The following GPBP1 variants were observed in gnomAD, a reference collection of about 807,000 sequenced individuals.
GPBP1 encodes the protein GC-rich promoter binding protein 1.
A neutral mutation model predicts 56.5 loss-of-function variants in GPBP1; 13 were observed. That is an observed-to-expected ratio of 0.23 (90% CI 0.15 to 0.37). GPBP1 has a LOEUF of 0.37. Ranked by LOEUF, GPBP1 falls within the 10% of genes least tolerant of loss-of-function variation. GPBP1 has a pLI of 1.00. For synonymous variants in GPBP1, 204 were observed against 188.9 expected (o/e 1.08, Z -0.66); for missense variants, 477 against 572.3 (o/e 0.83, Z 1.70).
At chr5:57,229,158 G>T (rs1756325201) in intron 3 of GPBP1, among the ~76,000 whole-genome samples, 1 of 145,856 alleles carries the variant, frequency 6.9e-6, no homozygotes, top group South Asian at 2.2e-4. Flanking sequence ...TGGAACCCAG[G>T]AGGTGAAGGT....
intron 2 of GPBP1, among the ~76,000 whole-genome samples, chr5:57,202,345 A>G (rs1380657445): frequency 6.6e-6 from 1 of 151,962 alleles, no homozygotes. Context: ...TGGAGTGCAA[A>G]TGGCCTGATC....
intron 2 of GPBP1, among the ~76,000 whole-genome samples, chr5:57,199,520 A>ATTTCT (rs1163376917): frequency 1.3e-5 from 2 of 151,744 alleles, no homozygotes; most frequent in African/African-American, 2.4e-5. Context: ...TTGCTACCAG[A>ATTTCT]TTTCTTTTCT....
intron 2 of GPBP1, among the ~76,000 whole-genome samples, chr5:57,212,615 T>C (rs536744374): frequency 6.6e-6 from 1 of 152,222 alleles, no homozygotes; most frequent in East Asian, 1.9e-4. Context: ...TTTTAACTAG[T>C]TGTATTTGTT....
At chr5:57,242,912 G>T (rs942311266) in intron 6 of GPBP1, among the ~76,000 whole-genome samples, 41 of 151,878 alleles carry the variant, frequency 2.7e-4, no homozygotes, top group East Asian at 3.9e-4. Flanking sequence ...ACCACACCTG[G>T]CTAACTTTTT....
chr5:57,209,674 AGTTT>A lies in GPBP1; in HGVS notation c.-57-4396_-57-4393del, dbSNP rs1237416825. Among the ~76,000 whole-genome samples the A allele has an allele frequency of 2.0e-5, 3 of 151,920 alleles. No individual in the cohort carries two copies. The East Asian group carries it at 5.8e-4, about 29-fold the overall frequency. ...TTGAGCAAGTTTCCTTCTTGTTTCT[AGTTT>A]GTTGAGTATTTTTATAATTAAAGGG... On this transcript the variant is annotated intron_variant, in intron 2 of 11. Coordinates refer to ENST00000506184, the MANE Select transcript of GPBP1 (RefSeq NM_022913.4).
intron 6 of GPBP1, among the ~76,000 whole-genome samples, chr5:57,244,727 ATTTTTTT>A (rs532660984): frequency 6.4e-5 from 6 of 93,154 alleles, no homozygotes; most frequent in African/African-American, 8.8e-5. Context: ...TTTGTTTGAG[ATTTTTTT>A]TTTTTTTTTT....
In GPBP1 at chr5:57,176,262, C is replaced by CT. The variant is rs1333136858; in HGVS notation, c.-195dup. ...TATGGGTAGCTGACTTGAAGTAACTCTATGTCAAATAGTCGTAGGTTAAGT... is the reference window on the plus strand; with the variant it reads ...TATGGGTAGCTGACTTGAAGTAACTCTTATGTCAAATAGTCGTAGGTTAAGT... On this transcript the variant is annotated 5_prime_UTR_variant, in exon 2 of 12. Coordinates refer to ENST00000506184, the MANE Select transcript of GPBP1 (RefSeq NM_022913.4). 2 of 365,848 alleles carry CT rather than the reference C, an allele frequency of 5.5e-6. No individual in the cohort carries two copies. Among genetic ancestry groups the CT allele is most frequent in the Non-Finnish European group, 9.7e-6 (2 of 206,678 alleles). The allele number at this position is 365,848 out of a possible 1,614,324, so 22.7% of individuals were successfully genotyped here.
chr5:57,264,105 CTG>C lies in GPBP1; in HGVS notation c.*1355_*1356del, dbSNP rs557887479. 125 of 152,092 alleles carry C rather than the reference CTG, an allele frequency of 8.2e-4. 2 individuals are homozygous for C. The highest frequency in any genetic ancestry group is 2.8e-3 in the African/African-American group (118 of 41,504). The allele number at this position is 152,092 out of a possible 1,614,324, so 9.4% of individuals were successfully genotyped here. ...TGGACTCCCCAGTTTTCACCAGAAA[CTG>C]TTATTTTTTTTTGTTGTTGTTCCCA... is the stretch of plus-strand genomic sequence containing the variant. On this transcript the variant is annotated 3_prime_UTR_variant, in exon 12 of 12. Coordinates refer to ENST00000506184, the MANE Select transcript of GPBP1 (RefSeq NM_022913.4).
chr5:57,216,946 T>C (rs1418632172), intron 3 of GPBP1, among the ~76,000 whole-genome samples: 2 of 152,126 alleles, frequency 1.3e-5, no homozygotes, highest in Non-Finnish European at 2.9e-5. Flanking sequence ...AATATCGTTA[T>C]ATATTAGGAC....
chr5:57,174,099 T>G lies in GPBP1; in HGVS notation c.-1123T>G, dbSNP rs1482357957. 6.6e-6 allele frequency: 1 copy of G among 152,246 alleles called. No individual in the cohort carries two copies. Among genetic ancestry groups the G allele is most frequent in the East Asian group, 1.9e-4 (1 of 5,138 alleles). 9.4% of individuals were successfully genotyped at this position (152,246 alleles called of 1,614,324 possible). ...GGCGCCATTTTGGGACTGAGACTGGTTGTGGGGGAGGGAAAAGCGGCAAAA... is the reference window on the plus strand; with the variant it reads ...GGCGCCATTTTGGGACTGAGACTGGGTGTGGGGGAGGGAAAAGCGGCAAAA... On this transcript the variant is annotated 5_prime_UTR_variant, in exon 1 of 12. Coordinates refer to ENST00000506184, the MANE Select transcript of GPBP1 (RefSeq NM_022913.4).
At chr5:57,248,670 G>A (rs779542450) in intron 8 of GPBP1, among the ~76,000 whole-genome samples, 56 of 152,008 alleles carry the variant, frequency 3.7e-4, no homozygotes, top group Non-Finnish European at 7.6e-4. Context: ...TCCTGACCTC[G>A]TGATCCGCCC....
chr5:57,179,575 TTTACC>T (rs983207106), intron 2 of GPBP1, among the ~76,000 whole-genome samples: 1 of 152,232 alleles, frequency 6.6e-6, no homozygotes, highest in African/African-American at 2.4e-5. Flanking sequence ...ATAGCTTTGT[TTTACC>T]TTGTCTTTTT....
At chr5:57,216,048 A>G (rs1755687655) in intron 3 of GPBP1, among the ~76,000 whole-genome samples, 1 of 152,184 alleles carries the variant, frequency 6.6e-6, no homozygotes, top group Non-Finnish European at 1.5e-5. Flanking sequence ...TTCCAGTGTG[A>G]AACTACTGCC....
At chr5:57,214,754 C>A (rs1755634068) in intron 3 of GPBP1, among the ~76,000 whole-genome samples, 1 of 152,050 alleles carries the variant, frequency 6.6e-6, no homozygotes, top group African/African-American at 2.4e-5. Context: ...CTCCTGGGTT[C>A]AAGCGATTCT....
chr5:57,221,017 A>G (rs1386177707), intron 3 of GPBP1, among the ~76,000 whole-genome samples: 1 of 152,228 alleles, frequency 6.6e-6, no homozygotes, highest in Non-Finnish European at 1.5e-5. Flanking sequence ...TTCTCTACTT[A>G]AACGGCAGTA....
chr5:57,239,416 CAGTT>C (rs1171601387), intron 6 of GPBP1, among the ~76,000 whole-genome samples: 14 of 152,192 alleles, frequency 9.2e-5, no homozygotes, highest in African/African-American at 2.7e-4. Context: ...TAAATTATAA[CAGTT>C]AGTGAAACTC....
At chr5:57,237,589 T>C (rs1740597574) in intron 6 of GPBP1, 1 of 167,318 alleles carries the variant, frequency 6.0e-6, no homozygotes, top group Non-Finnish European at 1.3e-5. Context: ...AAGAAAATGG[T>C]TAATTGTGGA....
rs891693710 is a variant in GPBP1 at position 57,254,660 on chromosome 5, A to G, written c.1160+3519A>G. ...CAGTGAGCCGAGATCGTGCCATTGC[A>G]CTCCAGCCTGGATGACAGAGTGAGA... is the stretch of plus-strand genomic sequence containing the variant. On this transcript the variant is annotated intron_variant, in intron 10 of 11. Transcript: ENST00000506184. Among the ~76,000 whole-genome samples the G allele has an allele frequency of 1.3e-4, 19 of 150,154 alleles. No individual in the cohort carries two copies. In the South Asian group the frequency reaches 3.2e-3, roughly 25 times the overall value.
intron 2 of GPBP1, among the ~76,000 whole-genome samples, chr5:57,199,237 A>G (rs1395828874): frequency 6.6e-6 from 1 of 152,214 alleles, no homozygotes; most frequent in African/African-American, 2.4e-5. Context: ...TTTTGTAGAT[A>G]TAACAAAAGT....
Sources: gnomAD v4.1 joint callset for allele counts (sites outside exome capture counted in the v4.1 genomes callset) on GRCh38, gnomAD v4.1.1 for gene constraint, MANE v1.5 for transcripts, NCBI Gene and HGNC (gene_info 2026-07-23, HGNC 2026-07-21) for gene names.